The following LYPD6B variants were observed in gnomAD, a reference collection of about 807,000 sequenced individuals.
The protein encoded by LYPD6B is ly6/PLAUR domain-containing protein 6B.
Under a neutral mutation model 22.8 loss-of-function variants are expected in LYPD6B, and 17 were observed. That is an observed-to-expected ratio of 0.75 (90% CI 0.51 to 1.12). The LOEUF (loss-of-function observed/expected upper bound fraction) is 1.12. Ranked by LOEUF, LYPD6B falls within the 50% of genes most tolerant of loss-of-function variation. The pLI is 0.00. For missense variants in LYPD6B, 221 were observed against 258.3 expected, an observed-to-expected ratio of 0.86 and a Z score of 0.99; for synonymous variants, 106 against 91.6, an observed-to-expected ratio of 1.16 and a Z score of -0.90.
At chr2:149,054,219 T>C (rs752572192) in intron 1 of LYPD6B, among the ~76,000 whole-genome samples, 3 of 152,190 alleles carry the variant, frequency 2.0e-5, no homozygotes, top group Non-Finnish European at 2.9e-5. Context: ...CCACAAGCAA[T>C]GTATGAGGGT....
chr2:149,091,365 T>C (rs1292296279), intron 1 of LYPD6B, among the ~76,000 whole-genome samples: 3 of 150,426 alleles, frequency 2.0e-5, no homozygotes, highest in African/African-American at 4.9e-5. Context: ...ATAAAGATTA[T>C]TTATATAGAA....
intron 2 of LYPD6B, among the ~76,000 whole-genome samples, chr2:149,135,395 T>C (rs60810280): frequency 0.011 from 1,712 of 152,226 alleles, 25 homozygotes; most frequent in African/African-American, 0.038. Context: ...TTTGTGTGCA[T>C]ATTTAAATAT....
At chr2:149,133,180 T>G (rs1221404110) in intron 2 of LYPD6B, among the ~76,000 whole-genome samples, 3 of 152,130 alleles carry the variant, frequency 2.0e-5, no homozygotes, top group Non-Finnish European at 4.4e-5. Flanking sequence ...AAACTGGGCC[T>G]CTGTAGTCAG....
chr2:149,204,236 G>T (rs1334878179), intron 3 of LYPD6B, among the ~76,000 whole-genome samples: 1 of 152,192 alleles, frequency 6.6e-6, no homozygotes, highest in Admixed American at 6.5e-5. Flanking sequence ...TGAGGAAATT[G>T]AGGTTAATAG....
chr2:149,145,584 A>G (rs1016614042), intron 2 of LYPD6B, among the ~76,000 whole-genome samples: 1 of 152,188 alleles, frequency 6.6e-6, no homozygotes, highest in African/African-American at 2.4e-5. Context: ...AGGAAGGGCC[A>G]CATGTTGAAA....
At chr2:149,117,528 C>T (rs1056553591) in intron 1 of LYPD6B, among the ~76,000 whole-genome samples, 95 of 152,128 alleles carry the variant, frequency 6.2e-4, no homozygotes, top group African/African-American at 2.2e-3. Context: ...ACCTTAGCCT[C>T]CCAAAGTGCT....
intron 2 of LYPD6B, among the ~76,000 whole-genome samples, chr2:149,135,603 C>T (rs898786328): frequency 1.3e-5 from 2 of 151,242 alleles, no homozygotes; most frequent in Admixed American, 6.6e-5. Context: ...ACCGGTAATC[C>T]CAGCTACTCA....
chr2:149,041,763 G>A (rs1022101444), intron 1 of LYPD6B, among the ~76,000 whole-genome samples: 5 of 152,198 alleles, frequency 3.3e-5, no homozygotes, highest in Non-Finnish European at 5.9e-5. Flanking sequence ...GGAAAAGTAA[G>A]TAAAGACAGG....
At chr2:149,067,545 A>G (rs1574906300) in intron 1 of LYPD6B, among the ~76,000 whole-genome samples, 2 of 147,746 alleles carry the variant, frequency 1.4e-5, no homozygotes, top group East Asian at 3.9e-4. Context: ...TTTTCTGTGT[A>G]TAATTTTTTA....
Position 149,213,034 on chromosome 2 carries a change from G to T in LYPD6B, c.371G>T (p.Gly124Val), listed in dbSNP as rs372154211. 2.4e-4 allele frequency: 383 copies of T among 1,613,828 alleles called. 1 individual carries two copies. Among genetic ancestry groups the T allele is most frequent in the Admixed American group, 3.3e-4 (20 of 59,990 alleles). ...CLTVHHFTSH[G>V]RSTSITKKCA... ...ACAGTTCATCACTTCACCAGCCACG[G>T]AAGAAGCACATCCATCACCAAAAAG... The change falls in exon 6 of 7, where the codon GGA (glycine) becomes GTA (valine). Residue 124 changes from glycine (G) to valine (V), a missense_variant. Physicochemically the swap from Gly to Val is moderately radical, Grantham distance 109. Transcript: ENST00000409642.
intron 3 of LYPD6B, among the ~76,000 whole-genome samples, chr2:149,166,444 G>A (rs1690425961): frequency 6.6e-6 from 1 of 152,056 alleles, no homozygotes; most frequent in African/African-American, 2.4e-5. Flanking sequence ...TATAAATTAG[G>A]GACCCTTTCT....
At chr2:149,138,981 A>G (rs900801429) in intron 2 of LYPD6B, among the ~76,000 whole-genome samples, 2 of 152,242 alleles carry the variant, frequency 1.3e-5, no homozygotes, top group African/African-American at 4.8e-5. Context: ...GAACTGGTAT[A>G]TTCCTCTTGC....
In LYPD6B at chr2:149,179,046, C is replaced by A. The variant is rs190415837; in HGVS notation, c.77+18211C>A. Among the ~76,000 whole-genome samples the A allele has an allele frequency of 7.2e-5, 11 of 152,294 alleles. No individual in the cohort carries two copies. The East Asian group carries it at 2.1e-3, about 29-fold the overall frequency. On this transcript the variant is annotated intron_variant, in intron 3 of 6. Coordinates refer to ENST00000409642, the MANE Select transcript of LYPD6B (RefSeq NM_177964.5). ...TGGGAGTGGGGAAAGAAAGTCGCAG[C>A]GGTACACACTGACTTCAGAATCACC... is the stretch of plus-strand genomic sequence containing the variant.
intron 3 of LYPD6B, among the ~76,000 whole-genome samples, chr2:149,182,463 T>C (rs73963737): frequency 5.3e-4 from 80 of 152,344 alleles, no homozygotes; most frequent in African/African-American, 1.9e-3. Flanking sequence ...ATCAGATAAA[T>C]ACTTGAAGTT....
chr2:149,112,962 C>T (rs1245339949), intron 1 of LYPD6B, among the ~76,000 whole-genome samples: 3 of 152,052 alleles, frequency 2.0e-5, no homozygotes, highest in Admixed American at 1.3e-4. Context: ...TGTATTTTTT[C>T]TGCCCAGTTT....
At chr2:149,142,043 A>G (rs1437639919) in intron 2 of LYPD6B, 2 of 152,240 alleles carry the variant, frequency 1.3e-5, no homozygotes, top group African/African-American at 4.8e-5. Flanking sequence ...TTGGTCTGCT[A>G]TCATTTACCT....
chr2:149,082,484 A>G (rs1372868254), intron 1 of LYPD6B, among the ~76,000 whole-genome samples: 1 of 152,194 alleles, frequency 6.6e-6, no homozygotes, highest in Non-Finnish European at 1.5e-5. Flanking sequence ...AGAAATAGAG[A>G]AGTTCTTCCC....
intron 1 of LYPD6B, among the ~76,000 whole-genome samples, chr2:149,051,987 G>A (rs1180145667): frequency 3.3e-5 from 5 of 152,094 alleles, no homozygotes; most frequent in Admixed American, 6.5e-5. Context: ...CCTCCAGAAA[G>A]CATGAACTAA....
chr2:149,132,032 A>G (rs1028866442), intron 2 of LYPD6B, among the ~76,000 whole-genome samples: 8 of 151,916 alleles, frequency 5.3e-5, no homozygotes, highest in Non-Finnish European at 1.0e-4. Flanking sequence ...CTAACACAGT[A>G]TGGGGCTGAG....
Sources: allele counts gnomAD v4.1 joint callset (sites outside exome capture counted in the v4.1 genomes callset), GRCh38; gene constraint gnomAD v4.1.1; transcripts MANE v1.5; gene names NCBI Gene and HGNC (gene_info 2026-07-23, HGNC 2026-07-21).